Variants in PRTG observed in about 807,000 individuals in gnomAD.
PRTG encodes protogenin, also known as immunoglobulin superfamily, DCC subclass, member 5.
Under a neutral mutation model 122.5 loss-of-function variants are expected in PRTG, and 67 were observed. The ratio of observed to expected loss-of-function variants is 0.55; its 90% confidence interval spans 0.45 to 0.67. PRTG has a LOEUF of 0.67. Among genes scored for constraint, PRTG ranks in the 30% least tolerant of loss-of-function variants. The pLI, the probability that PRTG is intolerant of heterozygous loss-of-function variation, is 0.00. For missense variants in PRTG, 1,435 were observed against 1,415.4 expected, an observed-to-expected ratio of 1.01 and a Z score of -0.22; for synonymous variants, 554 against 501.1, an observed-to-expected ratio of 1.11 and a Z score of -1.41.
At chr15:55,658,610 C>T (rs145636924) in intron 11 of PRTG, among the ~76,000 whole-genome samples, 30 of 152,256 alleles carry the variant, frequency 2.0e-4, no homozygotes, top group African/African-American at 7.2e-4. Flanking sequence ...GCCAACGTGC[C>T]CACCCCACAT....
At chr15:55,627,805 T>C (rs1206167655) in intron 16 of PRTG, among the ~76,000 whole-genome samples, 1 of 152,148 alleles carries the variant, frequency 6.6e-6, no homozygotes, top group Non-Finnish European at 1.5e-5. Flanking sequence ...AGATTAGTTT[T>C]CCATTTACAT....
chr15:55,624,483 T>C lies in PRTG; in HGVS notation c.2952A>G (p.Ala984=). The C allele has an allele frequency of 6.2e-7, 1 of 1,612,626 alleles. No homozygotes were observed. Among genetic ancestry groups the C allele is most frequent in the Non-Finnish European group, 8.5e-7 (1 of 1,179,350 alleles). The change falls in exon 18 of 20, where the codon GCA becomes GCG. Residue 984 remains alanine (A), a synonymous_variant. Transcript: ENST00000389286. ...GAGGTAACTGTTGAGTTCCATTCTGTGCCGTCTTGGAAGCAGATGATTTCC... is the reference window on the plus strand; with the variant it reads ...GAGGTAACTGTTGAGTTCCATTCTGCGCCGTCTTGGAAGCAGATGATTTCC... The part of the protein sequence containing the change: ...KARKSSASKT[A]QNGTQQLPRT...
chr15:55,740,081 A>G (rs1245813926), intron 2 of PRTG, among the ~76,000 whole-genome samples: 1 of 152,220 alleles, frequency 6.6e-6, no homozygotes, highest in Admixed American at 6.5e-5. Context: ...TGCGTTGGCC[A>G]AACTTCTACA....
intron 2 of PRTG, among the ~76,000 whole-genome samples, chr15:55,700,770 C>T (rs2059659104): frequency 6.6e-6 from 1 of 152,078 alleles, no homozygotes; most frequent in South Asian, 2.1e-4. Context: ...AACGGAGACT[C>T]TGTCTCTAAA....
At chr15:55,631,980 TG>T (rs1421255138) in intron 15 of PRTG, among the ~76,000 whole-genome samples, 4 of 152,210 alleles carry the variant, frequency 2.6e-5, no homozygotes, top group African/African-American at 7.2e-5. Flanking sequence ...CAAAAGATTT[TG>T]GGGTTGGAGA....
Position 55,683,849 on chromosome 15 carries a change from G to A in PRTG, c.480C>T (p.Ser160=). ...GVARFACKIS[S]HPPAVITWEF... ...CCCATGTTATGACTGCAGGAGGGTG[G>A]GATGAAATCTTGCATGCAAATCGAG... The change falls in exon 3 of 20, where the codon TCC becomes TCT. Residue 160 remains serine, a synonymous_variant. Transcript: ENST00000389286. The A allele has an allele frequency of 6.2e-7, 1 of 1,613,832 alleles. No homozygotes were observed.
chr15:55,726,490 T>C (rs2031035317), intron 2 of PRTG, among the ~76,000 whole-genome samples: 1 of 151,612 alleles, frequency 6.6e-6, no homozygotes, highest in African/African-American at 2.4e-5. Context: ...CAGAAAAAAA[T>C]AGACTTTAAG....
chr15:55,682,255 T>A, intron 4 of PRTG, 109 bp downstream of exon 4: 1 of 931,838 alleles, frequency 1.1e-6, no homozygotes, highest in Non-Finnish European at 1.5e-6. Context: ...TAGATTATAA[T>A]AATTTAAATG....
Position 55,673,709 on chromosome 15 carries a change from T to A in PRTG, c.1547-33A>T, listed in dbSNP as rs374427807. On this transcript the variant is annotated intron_variant, in intron 9 of 19. Transcript: ENST00000389286. ...TAGAAGAAATCAGGTTGTTTATAAA[T>A]ATTTAGAATCGAATTGCCACTTAGC... The A allele has an allele frequency of 1.3e-5, 21 of 1,569,354 alleles. No homozygotes were observed. The South Asian group carries it at 2.0e-4, about 15-fold the overall frequency.
At chr15:55,625,989 G>A (rs1338243727) in intron 17 of PRTG, among the ~76,000 whole-genome samples, 1 of 152,068 alleles carries the variant, frequency 6.6e-6, no homozygotes, top group Non-Finnish European at 1.5e-5. Flanking sequence ...CTGGCCTCAA[G>A]GGATCCTCCC....
At chr15:55,676,272 GTT>G (rs5812809) in intron 8 of PRTG, among the ~76,000 whole-genome samples, 1 of 147,704 alleles carries the variant, frequency 6.8e-6, no homozygotes, top group African/African-American at 2.5e-5. Flanking sequence ...CCCACAGTGA[GTT>G]TTTTTTTTTA....
chr15:55,736,508 C>A (rs1434738416), intron 2 of PRTG, among the ~76,000 whole-genome samples: 1 of 152,084 alleles, frequency 6.6e-6, no homozygotes, highest in African/African-American at 2.4e-5. Context: ...AACAGTTTTT[C>A]ATGAATCCCA....
chr15:55,731,245 G>T (rs114918754), intron 2 of PRTG, among the ~76,000 whole-genome samples: 4 of 151,216 alleles, frequency 2.6e-5, no homozygotes, highest in South Asian at 2.1e-4. Flanking sequence ...TCTTCCTATT[G>T]TAAGTCCACT....
chr15:55,736,131 A>G (rs2031404993), intron 2 of PRTG, among the ~76,000 whole-genome samples: 1 of 152,086 alleles, frequency 6.6e-6, no homozygotes, highest in South Asian at 2.1e-4. Context: ...AGTTTTCCAA[A>G]ATCAAATGAC....
intron 11 of PRTG, among the ~76,000 whole-genome samples, chr15:55,658,740 T>G (rs1250619914): frequency 6.6e-6 from 1 of 152,228 alleles, no homozygotes; most frequent in African/African-American, 2.4e-5. Context: ...GTATATTAAT[T>G]TACATTCTCG....
intron 2 of PRTG, among the ~76,000 whole-genome samples, chr15:55,728,762 T>TA (rs869149272): frequency 1.5e-4 from 1 of 6,756 alleles, no homozygotes; most frequent in African/African-American, 1.6e-4. Context: ...GCAATTAGTC[T>TA]AAAAAAAAAA....
intron 11 of PRTG, 39 bp from the exon 12 acceptor site, chr15:55,641,247 T>A: frequency 1.4e-6 from 2 of 1,454,178 alleles, no homozygotes; most frequent in Non-Finnish European, 1.9e-6. Flanking sequence ...GGACCAGGTC[T>A]CTAGATCTGA....
intron 3 of PRTG, among the ~76,000 whole-genome samples, chr15:55,683,296 G>A (rs763058579): frequency 1.3e-5 from 2 of 151,900 alleles, no homozygotes; most frequent in Non-Finnish European, 2.9e-5. Flanking sequence ...AAACTTTTTG[G>A]AGTTGCTATC....
At chr15:55,684,280 G>C (rs2059558000) in intron 2 of PRTG, among the ~76,000 whole-genome samples, 1 of 152,158 alleles carries the variant, frequency 6.6e-6, no homozygotes, top group Admixed American at 6.5e-5. Context: ...TCAGAGGAGA[G>C]GGAAACAAAT....
Sources: allele counts gnomAD v4.1 joint callset (sites outside exome capture counted in the v4.1 genomes callset), GRCh38; gene constraint gnomAD v4.1.1; transcripts MANE v1.5; gene names NCBI Gene and HGNC (gene_info 2026-07-23, HGNC 2026-07-21).